Variants in TRAM1 observed in about 807,000 individuals in gnomAD.
TRAM1 encodes the protein translocating chain-associated membrane protein 1.
In TRAM1, 17 loss-of-function variants were observed where a neutral mutation model predicts 48.7. The observed-to-expected ratio is 0.35, with a 90% CI of 0.24 to 0.52. TRAM1 has a LOEUF of 0.52. Among genes scored for constraint, TRAM1 ranks in the 20% least tolerant of loss-of-function variants. The pLI is 0.94. For missense variants in TRAM1, 351 were observed against 441.5 expected, an observed-to-expected ratio of 0.79 and a Z score of 1.84; for synonymous variants, 182 against 154.0, an observed-to-expected ratio of 1.18 and a Z score of -1.34.
Position 70,597,941 on chromosome 8 carries a change from G to A in TRAM1, c.380C>T (p.Ala127Val), listed in dbSNP as rs545605500. The A allele has an allele frequency of 6.9e-6, 11 of 1,602,606 alleles. No homozygotes were observed. The highest frequency in any genetic ancestry group is 2.7e-5 in the African/African-American group (2 of 74,828). Residue 127 changes from alanine to valine, a missense_variant, in exon 4 of 11, where the codon GCG becomes GTG. Coordinates refer to ENST00000262213, the MANE Select transcript of TRAM1 (RefSeq NM_014294.6). ...SKFNESGQLS[A>V]FYLFACVWGT... ...CCAAACACAGGCAAAAAGGTAGAAC[G>A]CACTAAGCTGACCAGATTCATTAAA...
intron 8 of TRAM1, among the ~76,000 whole-genome samples, chr8:70,585,641 T>C (rs1434892588): frequency 1.4e-5 from 2 of 139,280 alleles, no homozygotes; most frequent in African/African-American, 5.2e-5. Context: ...CAAAAGAAGA[T>C]ATTTATGCAG....
At chr8:70,575,081 C>T (rs1816917772) in intron 10 of TRAM1, 76 bp from the exon 11 acceptor site, 2 of 1,047,298 alleles carry the variant, frequency 1.9e-6, no homozygotes, top group Non-Finnish European at 2.7e-6. Context: ...GTAAAGATAC[C>T]TTCAGAAAAG....
chr8:70,601,802 T>C (rs1010832961), intron 1 of TRAM1, among the ~76,000 whole-genome samples: 21 of 152,226 alleles, frequency 1.4e-4, no homozygotes, highest in Admixed American at 6.5e-4. Flanking sequence ...AGGTTATTTA[T>C]TGATGCCTAC....
At chr8:70,588,008 G>A (rs1817263933) in intron 6 of TRAM1, among the ~76,000 whole-genome samples, 1 of 152,088 alleles carries the variant, frequency 6.6e-6, no homozygotes, top group Non-Finnish European at 1.5e-5. Context: ...TTTGAGGCCA[G>A]GAGTTCGAGA....
intron 10 of TRAM1, among the ~76,000 whole-genome samples, chr8:70,578,369 A>G (rs1817006058): frequency 6.6e-6 from 1 of 152,224 alleles, no homozygotes; most frequent in Non-Finnish European, 1.5e-5. Flanking sequence ...TCAGCCTCCC[A>G]AAGTGCTGGG....
chr8:70,579,671 A>G (rs960593940), intron 10 of TRAM1, among the ~76,000 whole-genome samples: 2 of 152,228 alleles, frequency 1.3e-5, no homozygotes, highest in African/African-American at 4.8e-5. Flanking sequence ...TTAACATTCC[A>G]CAAGTCATGG....
intron 10 of TRAM1, 55 bp from the exon 11 acceptor site, chr8:70,575,060 A>G: frequency 2.3e-6 from 3 of 1,288,008 alleles, no homozygotes; most frequent in South Asian, 1.3e-5. Context: ...TGCAAGTTAT[A>G]ATCTTTATAT....
chr8:70,608,378 A>AG lies in TRAM1; in HGVS notation c.-180_-179insC. ...AGCCGCCGGGCCGCCCGGGGGAAAA[A>AG]AAAAAACACAACAGCTAGCCCGCAG... On this transcript the variant is annotated 5_prime_UTR_variant, in exon 1 of 11. Coordinates refer to ENST00000262213, the MANE Select transcript of TRAM1 (RefSeq NM_014294.6). 1 of 641,688 alleles carries AG rather than the reference A, an allele frequency of 1.6e-6. No homozygotes were observed. The highest frequency in any genetic ancestry group is 2.5e-5 in the South Asian group (1 of 40,402). 39.7% of individuals were successfully genotyped at this position (641,688 alleles called of 1,614,324 possible). A position where few individuals can be genotyped will look rare whatever the true frequency, so the allele number is the denominator to read the frequency against.
chr8:70,591,831 C>G (rs1012532177), intron 6 of TRAM1, among the ~76,000 whole-genome samples: 2 of 151,946 alleles, frequency 1.3e-5, no homozygotes, highest in African/African-American at 4.8e-5. Flanking sequence ...AAACTTCAAT[C>G]AATGTCATTT....
intron 6 of TRAM1, among the ~76,000 whole-genome samples, chr8:70,593,596 T>TAA (rs35219621): frequency 2.2e-5 from 3 of 133,668 alleles, no homozygotes; most frequent in African/African-American, 5.6e-5. Flanking sequence ...ATATGAGAAT[T>TAA]AAAAAAAAAA....
intron 1 of TRAM1, among the ~76,000 whole-genome samples, chr8:70,604,553 G>A (rs1563392313): frequency 6.6e-6 from 1 of 152,042 alleles, no homozygotes; most frequent in Non-Finnish European, 1.5e-5. Context: ...GTTCACAAGT[G>A]TGATGATTGG....
intron 6 of TRAM1, among the ~76,000 whole-genome samples, chr8:70,588,167 T>C (rs1817266886): frequency 2.0e-5 from 3 of 152,158 alleles, no homozygotes; most frequent in South Asian, 2.1e-4. Flanking sequence ...CAGTAAGCTA[T>C]GATCATGCCA....
At chr8:70,594,695 T>C in intron 5 of TRAM1, 105 bp from the exon 6 acceptor site, 1 of 833,498 alleles carries the variant, frequency 1.2e-6, no homozygotes, top group Non-Finnish European at 1.8e-6. Flanking sequence ...TACCTTTGTG[T>C]CATCATTCCA....
intron 4 of TRAM1, among the ~76,000 whole-genome samples, chr8:70,597,393 C>T (rs1041284837): frequency 6.6e-5 from 10 of 151,920 alleles, no homozygotes; most frequent in African/African-American, 1.5e-4. Flanking sequence ...AAAGTAAGGC[C>T]GGGCTTGGTG....
intron 1 of TRAM1, among the ~76,000 whole-genome samples, chr8:70,600,291 T>C (rs1004619283): frequency 4.6e-5 from 7 of 152,182 alleles, no homozygotes; most frequent in African/African-American, 1.4e-4. Context: ...TTAGGTAAAA[T>C]TGTGTAATTC....
chr8:70,600,840 C>T (rs1292953773), intron 1 of TRAM1, among the ~76,000 whole-genome samples: 1 of 151,922 alleles, frequency 6.6e-6, no homozygotes, highest in Non-Finnish European at 1.5e-5. Context: ...CTGTGTTTTG[C>T]TGGAAAATAG....
intron 1 of TRAM1, among the ~76,000 whole-genome samples, chr8:70,604,835 C>T (rs1817686641): frequency 6.6e-6 from 1 of 152,132 alleles, no homozygotes; most frequent in South Asian, 2.1e-4. Flanking sequence ...TTGTGAACCC[C>T]TAATTCTTCA....
chr8:70,608,169 G>C lies in TRAM1; in HGVS notation c.31C>G (p.Pro11Ala), dbSNP rs1420990336. 4 of 1,592,222 alleles carry C rather than the reference G, an allele frequency of 2.5e-6. No homozygotes were observed. Among genetic ancestry groups the C allele is most frequent in the Non-Finnish European group, 2.6e-6 (3 of 1,170,798 alleles). MAIRKKSTKS[P>A]PVLSHEFVLQ... The stretch of plus-strand genomic sequence containing the variant: ...ACGAATTCGTGGCTCAGCACTGGGG[G>C]GCTCTTGGTGCTTTTCTTGCGAATC... Residue 11 changes from proline to alanine, a missense_variant, in exon 1 of 11, where the codon CCC (proline) becomes GCC (alanine). Coordinates refer to ENST00000262213, the MANE Select transcript of TRAM1 (RefSeq NM_014294.6).
intron 5 of TRAM1, among the ~76,000 whole-genome samples, chr8:70,595,752 A>T (rs1344764557): frequency 1.3e-5 from 2 of 152,232 alleles, no homozygotes; most frequent in African/African-American, 4.8e-5. Flanking sequence ...AAATTAATAT[A>T]GAATAGTTGT....
Sources: gnomAD v4.1 joint callset for allele counts (sites outside exome capture counted in the v4.1 genomes callset) on GRCh38, gnomAD v4.1.1 for gene constraint, MANE v1.5 for transcripts, NCBI Gene and HGNC (gene_info 2026-07-23, HGNC 2026-07-21) for gene names.